The following SHANK1 variants were observed in gnomAD, a reference collection of about 807,000 sequenced individuals.
The protein encoded by SHANK1 is SH3 and multiple ankyrin repeat domains protein 1.
A neutral mutation model predicts 165.6 loss-of-function variants in SHANK1; 35 were observed. The ratio of observed to expected loss-of-function variants is 0.21; its 90% CI spans 0.16 to 0.28. SHANK1 has a LOEUF of 0.28. Among genes scored for constraint, SHANK1 ranks in the 10% least tolerant of loss-of-function variants. SHANK1 has a pLI of 1.00. For synonymous variants in SHANK1, 1,428 were observed against 1,384.8 expected (o/e 1.03, Z -0.69); for missense variants, 2,681 against 3,036.4 (o/e 0.88, Z 2.75).
At chr19:50,698,460 T>C (rs1380202990) in intron 12 of SHANK1, among the ~76,000 whole-genome samples, 1 of 152,160 alleles carries the variant, frequency 6.6e-6, no homozygotes. Context: ...GAAAAGAGAT[T>C]AGCATCACCT....
chr19:50,663,457 T>C (rs1225458912), intron 23 of SHANK1, among the ~76,000 whole-genome samples: 3 of 152,178 alleles, frequency 2.0e-5, no homozygotes, highest in South Asian at 2.1e-4. Context: ...CCCTCTCCAC[T>C]TTCATTACTC....
chr19:50,660,886 G>A lies in SHANK1; in HGVS notation c.*1079C>T. Among the ~76,000 whole-genome samples, 1 of 149,872 alleles carries A rather than the reference G, an allele frequency of 6.7e-6. No individual in the cohort carries two copies. Among genetic ancestry groups the A allele is most frequent in the South Asian group, 2.1e-4 (1 of 4,682 alleles). On this transcript the variant is annotated 3_prime_UTR_variant, in exon 24 of 24. Transcript: ENST00000293441. Reference sequence around the variant, plus strand: ...GAGAGAAACAGTTTCTGGGAGGCAAGTGTGCAAAAGGCGTGACCAAAAGTG... The same window carrying A: ...GAGAGAAACAGTTTCTGGGAGGCAAATGTGCAAAAGGCGTGACCAAAAGTG...
chr19:50,711,883 C>A lies in SHANK1; in HGVS notation c.960+64G>T, dbSNP rs1260202877. On this transcript the variant is annotated intron_variant, in intron 7 of 23. Coordinates refer to ENST00000293441, the MANE Select transcript of SHANK1 (RefSeq NM_016148.5). ...CCTGGCATCTGGTTCCCAGCCCCAG[C>A]CCCTTGGATGCCTCAGGGACTGGGT... 9.5e-6 allele frequency: 15 copies of A among 1,580,268 alleles called. No individual in the cohort carries two copies. In the East Asian group the frequency reaches 2.0e-4, roughly 21 times the overall value.
intron 22 of SHANK1, among the ~76,000 whole-genome samples, chr19:50,671,161 T>C (rs911599608): frequency 2.9e-4 from 37 of 129,378 alleles, no homozygotes; most frequent in Non-Finnish European, 5.8e-4. Context: ...CTTACCTTAC[T>C]CCATTATTTT....
In SHANK1 at chr19:50,697,299, C is replaced by T. The variant is rs188963106; in HGVS notation, c.1938-177G>A. ...GGCACATGAAGGAGACAAGGGCCTC[C>T]AGCCAGCCAGACATAAGAGCGCCCC... On this transcript the variant is annotated intron_variant, in intron 14 of 23. Coordinates refer to ENST00000293441, the MANE Select transcript of SHANK1 (RefSeq NM_016148.5). This position sits in a 1 kb window ranked among gnomAD's most constrained non-coding sequence, Gnocchi z 4.7. Among the ~76,000 whole-genome samples the T allele has an allele frequency of 7.2e-4, 109 of 150,684 alleles. No homozygotes were observed. The highest frequency in any genetic ancestry group is 2.6e-3 in the African/African-American group (106 of 40,934).
intron 8 of SHANK1, among the ~76,000 whole-genome samples, chr19:50,709,400 C>G (rs928981296): frequency 2.0e-5 from 3 of 152,154 alleles, no homozygotes; most frequent in Non-Finnish European, 4.4e-5. Flanking sequence ...CTCGGCCTCC[C>G]AAAGTGCTGG....
In SHANK1 at chr19:50,661,911, A is replaced by G. The variant is rs545029626; in HGVS notation, c.*54T>C. The G allele has an allele frequency of 1.9e-6, 3 of 1,594,268 alleles. No individual in the cohort carries two copies. The East Asian group carries it at 6.7e-5, about 36-fold the overall frequency. On this transcript the variant is annotated 3_prime_UTR_variant, in exon 24 of 24. Coordinates refer to ENST00000293441, the MANE Select transcript of SHANK1 (RefSeq NM_016148.5). ...TGACAGTCAGGGGTCAGAGGTCAAG[A>G]GGCCAGCAGGCTCAAGAGTTCTGTG...
Position 50,669,122 on chromosome 19 carries a change from G to C in SHANK1, c.2838C>G (p.Thr946=). 1 of 1,522,072 alleles carries C rather than the reference G, an allele frequency of 6.6e-7. No homozygotes were observed. 94.3% of individuals were successfully genotyped at this position (1,522,072 alleles called of 1,614,324 possible). A position where few individuals can be genotyped will look rare whatever the true frequency, so the allele number is the denominator to read the frequency against. Residue 946 remains threonine (T), a synonymous_variant, in exon 23 of 24, where the codon ACC becomes ACG. Coordinates refer to ENST00000293441, the MANE Select transcript of SHANK1 (RefSeq NM_016148.5). ...PPVPSSSGRL[T]PSPRGGPFNP... is the part of the protein sequence containing the mutation. ...TGAAGGGCCCTCCCCGAGGGGAGGG[G>C]GTGAGGCGCCCTGAGGAGGAGGGGA... is the stretch of plus-strand genomic sequence containing the variant.
At chr19:50,663,163 T>G in intron 23 of SHANK1, 1 of 184,480 alleles carries the variant, frequency 5.4e-6, no homozygotes, top group Non-Finnish European at 1.1e-5. Context: ...TTCACCACTA[T>G]TCTATACTGC....
In SHANK1 at chr19:50,717,597, T is replaced by C. The variant is rs1426320597; in HGVS notation, c.-43-635A>G. Among the ~76,000 whole-genome samples the C allele has an allele frequency of 1.3e-5, 2 of 152,102 alleles. No homozygotes were observed. Among genetic ancestry groups the C allele is most frequent in the Non-Finnish European group, 2.9e-5 (2 of 68,020 alleles). On this transcript the variant is annotated intron_variant, in intron 1 of 23. Coordinates refer to ENST00000293441, the MANE Select transcript of SHANK1 (RefSeq NM_016148.5). This position sits in a 1 kb window ranked among gnomAD's most constrained non-coding sequence, Gnocchi z 5.5. ...AAGGGGCACTGAGATGGGGGTGTCA[T>C]GGGCAGAGCATTTGGCCTAGGGTGT...
At chr19:50,714,527 T>C (rs1190110617) in intron 4 of SHANK1, among the ~76,000 whole-genome samples, 1 of 151,948 alleles carries the variant, frequency 6.6e-6, no homozygotes, top group Non-Finnish European at 1.5e-5. Context: ...CCCTTATCTC[T>C]ACAAAAAATG....
rs2089086895 is a variant in SHANK1, at chr19:50,717,848, TAGG to T, written c.-43-889_-43-887del. On this transcript the variant is annotated intron_variant, in intron 1 of 23. Transcript: ENST00000293441. The surrounding 1 kb of genome is among the most constrained non-coding windows in gnomAD (Gnocchi z 5.5). ...GCTCCACTCTGAGGACTGGGGGTGT[TAGG>T]AGGGAGGCTAAGAAGTGAGAGGAGG... Among the ~76,000 whole-genome samples the T allele has an allele frequency of 6.6e-6, 1 of 151,804 alleles. No individual in the cohort carries two copies. The highest frequency in any genetic ancestry group is 2.4e-5 in the African/African-American group (1 of 41,276).
chr19:50,682,079 C>T (rs547822782), intron 21 of SHANK1, among the ~76,000 whole-genome samples: 37 of 148,232 alleles, frequency 2.5e-4, no homozygotes, highest in East Asian at 2.0e-4. Context: ...TTTTTTTAGA[C>T]GGAGTCTCGC....
Position 50,703,684 on chromosome 19 carries a change from C to G in SHANK1, c.1369G>C (p.Ala457Pro). The change falls in exon 11 of 24, where the codon GCG becomes CCG. Residue 457 changes from alanine to proline, a missense_variant. Physicochemically the swap from Ala to Pro is conservative, Grantham distance 27. Transcript: ENST00000293441. ...DWMVFSAPGA[A>P]SSGAPGPTSG... ...GTAGGGCCAGGGGCCCCAGAGGACGCGGCCCCCGGGGCGGAGAACACCATC... is the reference window on the plus strand; with the variant it reads ...GTAGGGCCAGGGGCCCCAGAGGACGGGGCCCCCGGGGCGGAGAACACCATC... 2 of 1,469,558 alleles carry G rather than the reference C, an allele frequency of 1.4e-6. No homozygotes were observed. Among genetic ancestry groups the G allele is most frequent in the Non-Finnish European group, 1.8e-6 (2 of 1,112,530 alleles). The allele number at this position is 1,469,558 out of a possible 1,614,324, so 91.0% of individuals were successfully genotyped here.
In SHANK1 at chr19:50,661,936, G is replaced by A. The variant is rs1390805195; in HGVS notation, c.*29C>T. On this transcript the variant is annotated 3_prime_UTR_variant, in exon 24 of 24. Transcript: ENST00000293441. ...AGGCCAGCAGGCTCAAGAGTTCTGT[G>A]GACGGGGCTGGTCCGTCCAGGCCAG... 2.5e-6 allele frequency: 4 copies of A among 1,612,100 alleles called. No individual in the cohort carries two copies. The highest frequency in any genetic ancestry group is 3.4e-6 in the Non-Finnish European group (4 of 1,179,384).
chr19:50,662,756 A>T lies in SHANK1; in HGVS notation c.5769-74T>A. The T allele has an allele frequency of 6.6e-7, 1 of 1,512,010 alleles. No homozygotes were observed. The allele number at this position is 1,512,010 out of a possible 1,614,324, so 93.7% of individuals were successfully genotyped here. The stretch of plus-strand genomic sequence containing the variant: ...AAGGGCAGGGGTGAGAAAGAGGCAG[A>T]GGTCAAGATATAGGGAGAGAGGAGG... On this transcript the variant is annotated intron_variant, in intron 23 of 23. Transcript: ENST00000293441. This position sits in a 1 kb window ranked among gnomAD's most constrained non-coding sequence, Gnocchi z 7.7.
rs773526780 is a variant in SHANK1 at position 50,686,843 on chromosome 19, G to A, written c.2390-31C>T. On this transcript the variant is annotated intron_variant, in intron 19 of 23. Transcript: ENST00000293441. This position sits in a 1 kb window ranked among gnomAD's most constrained non-coding sequence, Gnocchi z 5.7. ...GGCAAAGAACACGGATGACGCCCAG[G>A]GAGCCCCCGGGGGCGGGGCGGAGCG... 5 of 1,612,214 alleles carry A rather than the reference G, an allele frequency of 3.1e-6. No homozygotes were observed. Among genetic ancestry groups the A allele is most frequent in the Non-Finnish European group, 4.2e-6 (5 of 1,179,032 alleles).
chr19:50,672,749 C>T (rs540042753), intron 21 of SHANK1, among the ~76,000 whole-genome samples: 1 of 152,218 alleles, frequency 6.6e-6, no homozygotes, highest in South Asian at 2.1e-4. Context: ...ATGGAGCAGC[C>T]TCTTCCCTCA....
rs4802735 is a variant in SHANK1, at chr19:50,697,209, G to A, written c.1938-87C>T. The A allele has an allele frequency of 0.12, 182,839 of 1,584,816 alleles. 13,158 individuals carry two copies. Among genetic ancestry groups the A allele is most frequent in the Admixed American group, 0.35 (21,041 of 59,838 alleles). ...ACCCCAATCCCACCCAGCCCTGACT[G>A]CACCCTCCCCACACCGGTGCATGGG... On this transcript the variant is annotated intron_variant, in intron 14 of 23. Transcript: ENST00000293441. This position sits in a 1 kb window ranked among gnomAD's most constrained non-coding sequence, Gnocchi z 4.7.
Sources: allele counts gnomAD v4.1 joint callset (sites outside exome capture counted in the v4.1 genomes callset), GRCh38; gene constraint gnomAD v4.1.1; non-coding constraint Gnocchi (gnomAD v3.1); transcripts MANE v1.5; gene names NCBI Gene and HGNC (gene_info 2026-07-23, HGNC 2026-07-21).